INPP4B: variants seen among roughly 807,000 people sequenced by gnomAD.
INPP4B encodes inositol polyphosphate 4-phosphatase type II.
A neutral mutation model predicts 122.5 loss-of-function variants in INPP4B; 55 were observed. The observed-to-expected ratio is 0.45, with a 90% CI of 0.36 to 0.56. The LOEUF is 0.56. Among genes scored for constraint, INPP4B ranks in the 20% least tolerant of loss-of-function variants. INPP4B has a pLI of 0.00. For synonymous variants in INPP4B, 403 were observed against 388.7 expected, an observed-to-expected ratio of 1.04 and a Z score of -0.43; for missense variants, 1,000 against 1,097.7, an observed-to-expected ratio of 0.91 and a Z score of 1.26.
At chr4:142,386,962 A>C (rs545742019) in intron 7 of INPP4B, among the ~76,000 whole-genome samples, 97 of 152,212 alleles carry the variant, frequency 6.4e-4, no homozygotes, top group African/African-American at 2.2e-3. Context: ...GATCGTGGGT[A>C]AGTTCTCTCT....
intron 7 of INPP4B, chr4:142,384,036 A>T (rs11944462): frequency 0.15 from 103,185 of 700,476 alleles, 9,299 homozygotes; most frequent in African/African-American, 0.35. Context: ...TGAACAGGTG[A>T]CTGAGCAAGT....
chr4:142,663,621 T>C (rs1755565085), intron 2 of INPP4B, among the ~76,000 whole-genome samples: 1 of 152,082 alleles, frequency 6.6e-6, no homozygotes, highest in Non-Finnish European at 1.5e-5. Context: ...CTTAACTGTA[T>C]ATTTTTTGAA....
chr4:142,363,669 T>G lies in INPP4B; in HGVS notation c.372+39269A>C, dbSNP rs189264508. On this transcript the variant is annotated intron_variant, in intron 7 of 25. Transcript: ENST00000262992. ...CTCATTGAGTCCAGTGATCCTTCTT[T>G]TACATTTAGAAGAGCACAAAGTCAT... Among the ~76,000 whole-genome samples, 550 of 152,160 alleles carry G rather than the reference T, an allele frequency of 3.6e-3. 5 individuals are homozygous for G. Among genetic ancestry groups the G allele is most frequent in the African/African-American group, 0.012 (509 of 41,558 alleles).
At chr4:142,496,593 TCTTTC>T (rs1469727095) in intron 2 of INPP4B, among the ~76,000 whole-genome samples, 1 of 152,188 alleles carries the variant, frequency 6.6e-6, no homozygotes, top group African/African-American at 2.4e-5. Context: ...CTCTCAGACC[TCTTTC>T]CTTTCTTTGT....
chr4:142,467,549 T>G (rs1249593537), intron 2 of INPP4B, among the ~76,000 whole-genome samples: 1 of 152,108 alleles, frequency 6.6e-6, no homozygotes, highest in Non-Finnish European at 1.5e-5. Flanking sequence ...GTTTTTTGTT[T>G]TTTGTTTTTT....
intron 24 of INPP4B, among the ~76,000 whole-genome samples, chr4:142,083,559 C>T (rs1775237908): frequency 6.6e-6 from 1 of 152,128 alleles, no homozygotes; most frequent in African/African-American, 2.4e-5. Flanking sequence ...TATTATCTGT[C>T]ATCAAGCAGT....
chr4:142,706,647 G>A (rs1762505217), intron 2 of INPP4B, among the ~76,000 whole-genome samples: 1 of 152,214 alleles, frequency 6.6e-6, no homozygotes, highest in Non-Finnish European at 1.5e-5. Context: ...TGGCTTTACT[G>A]CATGCTTCAA....
At chr4:142,498,630 AAC>A (rs557122852) in intron 2 of INPP4B, among the ~76,000 whole-genome samples, 121 of 151,948 alleles carry the variant, frequency 8.0e-4, no homozygotes, top group African/African-American at 2.8e-3. Context: ...CTCTGAAAAA[AAC>A]ACACAAAAAT....
intron 15 of INPP4B, among the ~76,000 whole-genome samples, chr4:142,175,698 A>G (rs1336841714): frequency 1.3e-5 from 2 of 152,094 alleles, no homozygotes. Flanking sequence ...TGGCTTCTTG[A>G]GTGGTTGAGA....
intron 11 of INPP4B, among the ~76,000 whole-genome samples, chr4:142,249,292 A>G (rs964068134): frequency 1.3e-5 from 2 of 152,172 alleles, no homozygotes; most frequent in African/African-American, 4.8e-5. Flanking sequence ...CACAGGGTCT[A>G]CTAGCTTCTT....
intron 2 of INPP4B, among the ~76,000 whole-genome samples, chr4:142,721,964 G>A (rs949334544): frequency 1.3e-5 from 2 of 152,108 alleles, no homozygotes; most frequent in African/African-American, 2.4e-5. Flanking sequence ...GGAGATTCAA[G>A]GAGCTCATTC....
intron 2 of INPP4B, among the ~76,000 whole-genome samples, chr4:142,466,295 T>C (rs1459894778): frequency 1.3e-5 from 2 of 152,168 alleles, no homozygotes; most frequent in Non-Finnish European, 2.9e-5. Flanking sequence ...GGGAAACTTA[T>C]TGGGAATCAG....
chr4:142,059,592 G>C (rs910331346), intron 25 of INPP4B, among the ~76,000 whole-genome samples: 5 of 152,140 alleles, frequency 3.3e-5, no homozygotes, highest in Admixed American at 6.6e-5. Flanking sequence ...TTTGATAAAA[G>C]AGAGTGTCCA....
rs116794102 is a variant in INPP4B, at chr4:142,335,839, C to T, written c.373-21077G>A. On this transcript the variant is annotated intron_variant, in intron 7 of 25. Coordinates refer to ENST00000262992, the MANE Select transcript of INPP4B (RefSeq NM_001101669.3). Reference sequence around the variant, plus strand: ...TGTAACCACTGATAGTGGCAGGAGACAGACAAATTCCTCGCCAGACAAGGG... The same window carrying T: ...TGTAACCACTGATAGTGGCAGGAGATAGACAAATTCCTCGCCAGACAAGGG... 5.0e-3 allele frequency among the ~76,000 whole-genome samples: 764 copies of T among 152,296 alleles called. 5 individuals carry two copies. The highest frequency in any genetic ancestry group is 0.017 in the African/African-American group (710 of 41,568).
At chr4:142,100,236 G>C (rs1297603565) in intron 23 of INPP4B, among the ~76,000 whole-genome samples, 1 of 152,102 alleles carries the variant, frequency 6.6e-6, no homozygotes, top group Non-Finnish European at 1.5e-5. Flanking sequence ...GAGAGTCAAG[G>C]ACAGGAGGAA....
chr4:142,493,385 C>T (rs1018738070), intron 2 of INPP4B, among the ~76,000 whole-genome samples: 1 of 152,128 alleles, frequency 6.6e-6, no homozygotes, highest in Non-Finnish European at 1.5e-5. Flanking sequence ...AGATCCATCA[C>T]CACCTTGCAC....
chr4:142,845,215 C>CT (rs1384790809), intron 1 of INPP4B, among the ~76,000 whole-genome samples: 14 of 152,130 alleles, frequency 9.2e-5, no homozygotes, highest in Non-Finnish European at 2.1e-4. Context: ...AGAGAAACTG[C>CT]TGGGCCCCTC....
chr4:142,047,061 G>A (rs1751914398), intron 25 of INPP4B, among the ~76,000 whole-genome samples: 1 of 151,624 alleles, frequency 6.6e-6, no homozygotes. Context: ...AATCAGACTG[G>A]GTCTAACAGA....
At chr4:142,362,152 C>T (rs889749603) in intron 7 of INPP4B, among the ~76,000 whole-genome samples, 7 of 151,980 alleles carry the variant, frequency 4.6e-5, no homozygotes, top group South Asian at 2.1e-4. Flanking sequence ...GACAATAAAA[C>T]TCTCATGAGG....
Sources: gnomAD v4.1 joint callset for allele counts (sites outside exome capture counted in the v4.1 genomes callset) on GRCh38, gnomAD v4.1.1 for gene constraint, MANE v1.5 for transcripts, NCBI Gene and HGNC (gene_info 2026-07-23, HGNC 2026-07-21) for gene names.